The following NAV3 variants were observed in gnomAD, a reference collection of about 807,000 sequenced individuals.
NAV3 encodes the protein pore membrane and/or filament interacting like protein 1.
NAV3 carries 87 observed loss-of-function variants against 244.7 expected under a neutral mutation model. The ratio of observed to expected loss-of-function variants is 0.36; its 90% confidence interval spans 0.30 to 0.42. The LOEUF is 0.42. NAV3 is among the 20% of genes least tolerant of loss of function. The pLI is 1.00. For synonymous variants in NAV3, 1,126 were observed against 1,042.2 expected (o/e 1.08, Z -1.55); for missense variants, 2,663 against 2,893.3 (o/e 0.92, Z 1.83).
Position 77,614,101 on chromosome 12 carries a change from T to TA in NAV3, c.72+41837dup, listed in dbSNP as rs1357216211. On this transcript the variant is annotated intron_variant, in intron 2 of 8. Coordinates refer to the NAV3 transcript ENST00000550042. ...TTTTTTTTTTTTTTTTTTTTTTTTT[T>TA]AACACAGGGTCTCCCTCCTTCACCC... Among the ~76,000 whole-genome samples, 61 of 109,390 alleles carry TA rather than the reference T, an allele frequency of 5.6e-4. 1 individual carries two copies. Among genetic ancestry groups the TA allele is most frequent in the African/African-American group, 1.7e-3 (47 of 27,980 alleles). 71.8% of individuals were successfully genotyped at this position (109,390 alleles called of 152,430 possible).
chr12:77,713,440 A>G (rs927099979), intron 2 of NAV3, among the ~76,000 whole-genome samples: 5 of 152,192 alleles, frequency 3.3e-5, no homozygotes, highest in African/African-American at 1.2e-4. Flanking sequence ...TGACTTACAT[A>G]ATGAATACTT....
At chr12:77,724,861 A>AG (rs1876805492) in intron 2 of NAV3, among the ~76,000 whole-genome samples, 2 of 152,028 alleles carry the variant, frequency 1.3e-5, no homozygotes, top group African/African-American at 4.8e-5. Context: ...TCATAAAGAA[A>AG]GTTTATGTTC....
At chr12:77,689,647 G>A (rs1313411761) in intron 2 of NAV3, among the ~76,000 whole-genome samples, 2 of 151,778 alleles carry the variant, frequency 1.3e-5, no homozygotes, top group African/African-American at 4.8e-5. Flanking sequence ...GTGTTCAGAT[G>A]TAGTGAAAAG....
chr12:77,741,148 CAAAAA>C, intron 2 of NAV3, among the ~76,000 whole-genome samples: 5 of 68,674 alleles, frequency 7.3e-5, no homozygotes, highest in South Asian at 6.6e-4. Context: ...AAAAAAAAGA[CAAAAA>C]AAAAAAAAAA....
upstream of NAV3, among the ~76,000 whole-genome samples, chr12:77,829,028 G>A (rs1319512371): frequency 6.6e-6 from 1 of 152,214 alleles, no homozygotes; most frequent in African/African-American, 2.4e-5. Context: ...GGGCAAAGAA[G>A]CCCTCAGTTT....
chr12:78,084,070 A>G (rs1218479858), intron 12 of NAV3, among the ~76,000 whole-genome samples: 1 of 152,224 alleles, frequency 6.6e-6, no homozygotes, highest in Admixed American at 6.5e-5. Context: ...CTGATTTCAT[A>G]GTATGTTCAT....
chr12:77,916,280 T>C (rs894042696), intron 1 of NAV3, among the ~76,000 whole-genome samples: 4 of 152,004 alleles, frequency 2.6e-5, no homozygotes, highest in African/African-American at 7.2e-5. Context: ...TTGGAAAATA[T>C]GGACAACTGC....
intron 2 of NAV3, among the ~76,000 whole-genome samples, chr12:77,679,666 C>G (rs929255069): frequency 6.6e-6 from 1 of 152,056 alleles, no homozygotes; most frequent in African/African-American, 2.4e-5. Context: ...TGGGGAGCAC[C>G]AACTAGTGGA....
At chr12:77,707,264 T>C (rs1391627410) in intron 2 of NAV3, among the ~76,000 whole-genome samples, 3 of 141,160 alleles carry the variant, frequency 2.1e-5, no homozygotes, top group Non-Finnish European at 4.6e-5. Context: ...TGTGTCCAAG[T>C]GTTCTCATTG....
chr12:77,636,494 C>T (rs1054132256), intron 2 of NAV3, among the ~76,000 whole-genome samples: 1 of 144,340 alleles, frequency 6.9e-6, no homozygotes, highest in Non-Finnish European at 1.5e-5. Context: ...AGTTAGGAAA[C>T]AACAGATACT....
intron 37 of NAV3, 122 bp from the exon 38 acceptor site, chr12:78,200,351 C>A: frequency 2.0e-6 from 1 of 507,816 alleles, no homozygotes; most frequent in Non-Finnish European, 3.3e-6. Context: ...ATCAAGCTGG[C>A]CAATAATACA....
chr12:77,594,154 T>C (rs1870057793), intron 2 of NAV3, among the ~76,000 whole-genome samples: 2 of 152,186 alleles, frequency 1.3e-5, no homozygotes, highest in African/African-American at 4.8e-5. Flanking sequence ...GAATTATGGA[T>C]ATTATCTCAC....
intron 8 of NAV3, among the ~76,000 whole-genome samples, chr12:78,020,991 G>A (rs1877058762): frequency 6.6e-6 from 1 of 152,076 alleles, no homozygotes; most frequent in Non-Finnish European, 1.5e-5. Flanking sequence ...TCAAATATAC[G>A]TCGATTTTGA....
intron 35 of NAV3, 150 bp from the exon 36 acceptor site, chr12:78,198,455 T>C (rs906483177): frequency 2.1e-5 from 10 of 466,032 alleles, no homozygotes; most frequent in Non-Finnish European, 3.5e-5. Flanking sequence ...CCAGTGATCT[T>C]TGTCATTTTC....
At chr12:78,204,466 G>A (rs1408322660) in intron 38 of NAV3, among the ~76,000 whole-genome samples, 1 of 152,146 alleles carries the variant, frequency 6.6e-6, no homozygotes, top group Non-Finnish European at 1.5e-5. Flanking sequence ...AAGACAGTTT[G>A]AGTAGAGTGA....
rs561199594 is a variant in NAV3, at chr12:77,934,907, T to A, written c.244-5412T>A. ...TCCTCTGATTATATTCATAATATCTTCTAATCAGGTTACAGATTAGTGTGT... is the reference window on the plus strand; with the variant it reads ...TCCTCTGATTATATTCATAATATCTACTAATCAGGTTACAGATTAGTGTGT... On this transcript the variant is annotated intron_variant, in intron 1 of 39. Transcript: ENST00000397909. Among the ~76,000 whole-genome samples the A allele has an allele frequency of 2.6e-5, 4 of 152,334 alleles. No individual in the cohort carries two copies. In the South Asian group the frequency reaches 8.3e-4, roughly 32 times the overall value.
chr12:77,831,223 G>C lies in NAV3; in HGVS notation c.-239G>C, dbSNP rs1294622879. The C allele has an allele frequency of 2.9e-6, 1 of 350,862 alleles. No homozygotes were observed. The highest frequency in any genetic ancestry group is 5.2e-6 in the Non-Finnish European group (1 of 191,598). The allele number at this position is 350,862 out of a possible 1,614,324, so 21.7% of individuals were successfully genotyped here. On this transcript the variant is annotated 5_prime_UTR_variant, in exon 1 of 40. Coordinates refer to ENST00000397909, the MANE Select transcript of NAV3 (RefSeq NM_001024383.2). ...AGAGAGAGAGAGAGAGAGAGAAAGA[G>C]AGAGAGAGAGAGAATGAGAATGAAT... is the stretch of plus-strand genomic sequence containing the variant.
intron 12 of NAV3, among the ~76,000 whole-genome samples, chr12:78,076,977 A>T (rs1265318983): frequency 1.3e-5 from 2 of 152,154 alleles, no homozygotes; most frequent in African/African-American, 2.4e-5. Flanking sequence ...GTATCTTTGG[A>T]TTGTGTCTAA....
intron 1 of NAV3, among the ~76,000 whole-genome samples, chr12:77,937,319 A>G (rs982628347): frequency 6.6e-6 from 1 of 152,190 alleles, no homozygotes. Flanking sequence ...ATGATTTGTG[A>G]GCTAAAACAC....
Sources: gnomAD v4.1 joint callset for allele counts (sites outside exome capture counted in the v4.1 genomes callset) on GRCh38, gnomAD v4.1.1 for gene constraint, MANE v1.5 for transcripts, NCBI Gene and HGNC (gene_info 2026-07-23, HGNC 2026-07-21) for gene names.